SMYD3: variants seen among roughly 807,000 people sequenced by gnomAD.
SMYD3 encodes the protein SET and MYND domain containing 3.
In SMYD3, 36 loss-of-function variants were observed where a neutral mutation model predicts 57.7. That is an observed-to-expected ratio of 0.62 (90% CI 0.48 to 0.82). The LOEUF (loss-of-function observed/expected upper bound fraction) is 0.82. SMYD3 is among the 40% of genes least tolerant of loss of function. SMYD3 has a pLI of 0.00. For missense variants in SMYD3, 515 were observed against 538.8 expected (o/e 0.96, Z 0.44); for synonymous variants, 211 against 195.0 (o/e 1.08, Z -0.68).
At chr1:246,226,652 G>T (rs1277018237) in intron 5 of SMYD3, among the ~76,000 whole-genome samples, 1 of 152,192 alleles carries the variant, frequency 6.6e-6, no homozygotes, top group Non-Finnish European at 1.5e-5. Context: ...TCAAATATGG[G>T]TTAGAGTGGA....
At chr1:246,320,992 T>C (rs2065238655) in intron 5 of SMYD3, among the ~76,000 whole-genome samples, 1 of 152,238 alleles carries the variant, frequency 6.6e-6, no homozygotes, top group Admixed American at 6.5e-5. Context: ...CCACGTGAAA[T>C]TCCAAGAAAC....
intron 10 of SMYD3, among the ~76,000 whole-genome samples, chr1:245,774,704 C>A (rs943473820): frequency 7.6e-6 from 1 of 132,220 alleles, no homozygotes; most frequent in Non-Finnish European, 1.7e-5. Context: ...TCTCCCTCTC[C>A]ACGGTCTCCC....
chr1:246,107,023 G>A (rs1041814667), intron 5 of SMYD3, among the ~76,000 whole-genome samples: 14 of 152,166 alleles, frequency 9.2e-5, no homozygotes, highest in African/African-American at 3.4e-4. Flanking sequence ...TTGAAGGCCG[G>A]GCACGGTGGC....
intron 5 of SMYD3, among the ~76,000 whole-genome samples, chr1:246,085,471 C>T (rs1414685982): frequency 1.3e-5 from 2 of 152,108 alleles, no homozygotes; most frequent in Admixed American, 1.3e-4. Flanking sequence ...TATGACCTTC[C>T]CCGAAGCAGG....
chr1:246,239,198 T>A (rs1171000340), intron 5 of SMYD3, among the ~76,000 whole-genome samples: 1 of 152,204 alleles, frequency 6.6e-6, no homozygotes, highest in Non-Finnish European at 1.5e-5. Flanking sequence ...GCTGCACCCA[T>A]TAACTCATCA....
chr1:246,477,615 A>G (rs900696588), intron 1 of SMYD3, among the ~76,000 whole-genome samples: 1 of 152,264 alleles, frequency 6.6e-6, no homozygotes, highest in Non-Finnish European at 1.5e-5. Context: ...AGTAAATTCA[A>G]TTACATAGTT....
chr1:245,783,455 AT>A (rs1476192402), intron 10 of SMYD3, among the ~76,000 whole-genome samples: 6 of 152,298 alleles, frequency 3.9e-5, no homozygotes, highest in Non-Finnish European at 8.8e-5. Flanking sequence ...GCAAACATTA[AT>A]GCTGAATGCT....
intron 8 of SMYD3, among the ~76,000 whole-genome samples, chr1:245,890,491 C>G (rs577439601): frequency 6.6e-6 from 1 of 152,214 alleles, no homozygotes; most frequent in African/African-American, 2.4e-5. Context: ...CCCGCATCAT[C>G]AAAGAAATGC....
intron 5 of SMYD3, among the ~76,000 whole-genome samples, chr1:246,054,392 C>G (rs1393611409): frequency 6.6e-6 from 1 of 152,058 alleles, no homozygotes; most frequent in Non-Finnish European, 1.5e-5. Flanking sequence ...TAATACTAAC[C>G]ATATAACGTA....
At chr1:245,999,967 T>A (rs1415933342) in intron 5 of SMYD3, among the ~76,000 whole-genome samples, 2 of 152,212 alleles carry the variant, frequency 1.3e-5, no homozygotes, top group Non-Finnish European at 2.9e-5. Flanking sequence ...ACGTTTTGAA[T>A]CCTAGTTCCT....
At chr1:246,471,202 T>C (rs920409638) in intron 1 of SMYD3, among the ~76,000 whole-genome samples, 1 of 152,122 alleles carries the variant, frequency 6.6e-6, no homozygotes, top group Non-Finnish European at 1.5e-5. Context: ...TTTTTTTAAT[T>C]TTTATTTATT....
At chr1:246,207,131 C>T (rs181567160) in intron 5 of SMYD3, among the ~76,000 whole-genome samples, 5 of 152,200 alleles carry the variant, frequency 3.3e-5, no homozygotes, top group Admixed American at 6.5e-5. Flanking sequence ...TATAAAGATA[C>T]TGGATATTGG....
intron 5 of SMYD3, among the ~76,000 whole-genome samples, chr1:245,965,137 A>C (rs1406682691): frequency 6.6e-6 from 1 of 152,216 alleles, no homozygotes; most frequent in East Asian, 1.9e-4. Flanking sequence ...TTGTTTTCTT[A>C]TTCTTAATTG....
At chr1:246,066,917 G>A (rs1352636254) in intron 5 of SMYD3, among the ~76,000 whole-genome samples, 1 of 152,246 alleles carries the variant, frequency 6.6e-6, no homozygotes, top group African/African-American at 2.4e-5. Flanking sequence ...ACTATCTGGT[G>A]TGATTGTGAT....
chr1:246,086,260 G>A (rs1257229894), intron 5 of SMYD3, among the ~76,000 whole-genome samples: 1 of 151,264 alleles, frequency 6.6e-6, no homozygotes, highest in African/African-American at 2.4e-5. Context: ...ACTGCTACTA[G>A]GTTAGCTGAA....
intron 1 of SMYD3, among the ~76,000 whole-genome samples, chr1:246,429,476 T>A (rs1390499635): frequency 6.6e-6 from 1 of 152,182 alleles, no homozygotes; most frequent in Non-Finnish European, 1.5e-5. Flanking sequence ...ACGTCCATCT[T>A]ACAATAAAAC....
intron 5 of SMYD3, among the ~76,000 whole-genome samples, chr1:246,297,422 C>T (rs1467350306): frequency 6.6e-6 from 1 of 152,112 alleles, no homozygotes; most frequent in Non-Finnish European, 1.5e-5. Flanking sequence ...GTAGTAGAGG[C>T]AGCAGCTAGC....
At position 246,330,556 on chromosome 1, in the gene SMYD3, A is replaced by C. The variant is rs374959348; in HGVS notation, c.337-19T>G. On this transcript the variant is annotated intron_variant, in intron 3 of 11. Transcript: ENST00000490107. Reference sequence around the variant, plus strand: ...CATCCATCTGTGAAGGAAAAGGGGAAAACGCCAATAACAATTTCAAGTGTT... The same window carrying C: ...CATCCATCTGTGAAGGAAAAGGGGACAACGCCAATAACAATTTCAAGTGTT... 67 of 1,578,226 alleles carry C rather than the reference A, an allele frequency of 4.2e-5. No individual in the cohort carries two copies. The highest frequency in any genetic ancestry group is 5.7e-5 in the Non-Finnish European group (67 of 1,166,542).
intron 10 of SMYD3, among the ~76,000 whole-genome samples, chr1:245,817,703 G>A (rs1248271222): frequency 6.6e-6 from 1 of 151,988 alleles, no homozygotes; most frequent in Non-Finnish European, 1.5e-5. Context: ...AGTGCTTAAA[G>A]GAGCTGATGG....
Sources: allele counts gnomAD v4.1 joint callset (sites outside exome capture counted in the v4.1 genomes callset), GRCh38; gene constraint gnomAD v4.1.1; transcripts MANE v1.5; gene names NCBI Gene and HGNC (gene_info 2026-07-23, HGNC 2026-07-21).